ARHGEF10: variants seen among roughly 807,000 people sequenced by gnomAD.
ARHGEF10 encodes Rho guanine nucleotide exchange factor 10.
In ARHGEF10, 140 loss-of-function variants were observed where a neutral mutation model predicts 147.4. The ratio of observed to expected loss-of-function variants is 0.95; its 90% CI spans 0.83 to 1.09. The LOEUF (loss-of-function observed/expected upper bound fraction) is 1.09. Ranked by LOEUF, ARHGEF10 falls within the 50% of genes least tolerant of loss-of-function variation. The probability of loss-of-function intolerance (pLI) is 0.00; values close to 1 mark genes in which losing one functional copy is unlikely to be tolerated. For missense variants in ARHGEF10, 2,222 were observed against 1,752.7 expected, an observed-to-expected ratio of 1.27 and a Z score of -4.78; for synonymous variants, 902 against 695.8, an observed-to-expected ratio of 1.30 and a Z score of -4.67.
Position 1,927,982 on chromosome 8 carries a change from T to A in ARHGEF10, c.2698-445T>A, listed in dbSNP as rs138249585. Among the ~76,000 whole-genome samples, 42 of 152,310 alleles carry A rather than the reference T, an allele frequency of 2.8e-4. No individual in the cohort carries two copies. The East Asian group carries it at 7.9e-3, about 29-fold the overall frequency. On this transcript the variant is annotated intron_variant, in intron 23 of 28. Transcript: ENST00000349830. ...AGAAATTCCACAGCATACCACATGT[T>A]GACTTCCAATGAGCTACTTGGGATG...
chr8:1,837,667 C>T (rs1030655347), intron 1 of ARHGEF10, among the ~76,000 whole-genome samples: 2 of 152,076 alleles, frequency 1.3e-5, no homozygotes, highest in Non-Finnish European at 2.9e-5. Context: ...TTGTCTAGGG[C>T]GGGAAGGGGG....
chr8:1,898,600 C>G, intron 15 of ARHGEF10, 75 bp downstream of exon 15: 1 of 1,450,830 alleles, frequency 6.9e-7, no homozygotes, highest in Non-Finnish European at 9.6e-7. Flanking sequence ...GGCGTCTGTT[C>G]CTCCACTTTG....
intron 17 of ARHGEF10, among the ~76,000 whole-genome samples, chr8:1,908,831 T>A (rs901153957): frequency 6.6e-6 from 1 of 152,212 alleles, no homozygotes; most frequent in Non-Finnish European, 1.5e-5. Context: ...TGATAAATAT[T>A]TTAGTCATGG....
Position 1,880,106 on chromosome 8 carries a change from T to C in ARHGEF10, c.902T>C (p.Met301Thr). ...EHYEKKMRDL[M>T]ASTVGVVEIQ... is the part of the protein sequence containing the mutation. The stretch of plus-strand genomic sequence containing the variant: ...TATGAGAAAAAGATGAGAGATTTGA[T>C]GGCAAGCACGGTGGGCGTGGTGGAG... The change falls in exon 9 of 29, where the codon ATG becomes ACG. Residue 301 changes from methionine to threonine, a missense_variant. Met to Thr is a moderately conservative substitution (Grantham distance 81). Transcript: ENST00000349830. 1.2e-6 allele frequency: 2 copies of C among 1,614,186 alleles called. No individual in the cohort carries two copies. Among genetic ancestry groups the C allele is most frequent in the African/African-American group, 1.3e-5 (1 of 75,062 alleles).
intron 2 of ARHGEF10, among the ~76,000 whole-genome samples, chr8:1,850,201 C>CGTGGACACAGACAGCAA (rs1804992002): frequency 8.9e-6 from 1 of 112,094 alleles, no homozygotes; most frequent in Admixed American, 8.5e-5. Flanking sequence ...GGGGCGGCCA[C>CGTGGACACAGACAGCAA]ATGGGCATGG....
At chr8:1,878,193 GGT>G (rs1491412176) in intron 8 of ARHGEF10, among the ~76,000 whole-genome samples, 1 of 112,252 alleles carries the variant, frequency 8.9e-6, no homozygotes, top group Non-Finnish European at 1.8e-5. Context: ...TAGTTTTTCG[GGT>G]TTTTTTTTTC....
At chr8:1,950,474 G>A (rs1814941546) in intron 27 of ARHGEF10, among the ~76,000 whole-genome samples, 1 of 152,156 alleles carries the variant, frequency 6.6e-6, no homozygotes, top group African/African-American at 2.4e-5. Flanking sequence ...TTTGAAACCA[G>A]TTAAAAACAT....
chr8:1,833,636 G>C (rs913744334), intron 1 of ARHGEF10, among the ~76,000 whole-genome samples: 2 of 152,192 alleles, frequency 1.3e-5, no homozygotes, highest in Non-Finnish European at 2.9e-5. Flanking sequence ...CCCAGCCCTG[G>C]GTCAGCCCCC....
Position 1,884,358 on chromosome 8 carries a change from T to C in ARHGEF10, c.1076-1243T>C, listed in dbSNP as rs940660092. 6.7e-5 allele frequency among the ~76,000 whole-genome samples: 10 copies of C among 149,762 alleles called. No homozygotes were observed. The East Asian group carries it at 1.8e-3, about 27-fold the overall frequency. ...TTGCAGTGAGCCGAGATTGCGCCAC[T>C]GCACTCCAGCCTGGGCGACAGAGCA... On this transcript the variant is annotated intron_variant, in intron 10 of 28. Transcript: ENST00000349830.
intron 10 of ARHGEF10, among the ~76,000 whole-genome samples, chr8:1,883,559 C>T (rs1808397659): frequency 1.3e-5 from 2 of 152,192 alleles, no homozygotes; most frequent in Non-Finnish European, 2.9e-5. Flanking sequence ...ATTGGTATGA[C>T]ATGGTGTAAC....
At chr8:1,936,132 C>T (rs780479170) in intron 26 of ARHGEF10, among the ~76,000 whole-genome samples, 1 of 152,140 alleles carries the variant, frequency 6.6e-6, no homozygotes, top group African/African-American at 2.4e-5. Flanking sequence ...ACTGTCTGTT[C>T]TTGGCCATCT....
In ARHGEF10 at chr8:1,948,488, G is replaced by T. The variant is rs1357517575; in HGVS notation, c.3397+2833G>T. ...CTGCTTTACCCACATTCAGTTCTCT[G>T]CTCCCAGGCTGTGGTCTGCTGCCAC... On this transcript the variant is annotated intron_variant, in intron 27 of 28. Transcript: ENST00000349830. The surrounding 1 kb of genome is among the most constrained non-coding windows in gnomAD (Gnocchi z 4.9). Among the ~76,000 whole-genome samples the T allele has an allele frequency of 1.3e-5, 2 of 152,190 alleles. No individual in the cohort carries two copies. The highest frequency in any genetic ancestry group is 2.9e-5 in the Non-Finnish European group (2 of 68,034).
chr8:1,839,454 GCTGTCTGGTGTGGGGA>G (rs1803816500), intron 1 of ARHGEF10, among the ~76,000 whole-genome samples: 2 of 131,970 alleles, frequency 1.5e-5, no homozygotes, highest in Admixed American at 7.5e-5. Context: ...TGGTGTGGAA[GCTGTCTGGTGTGGGGA>G]CTGTCTGGTG....
rs371942611 is a variant in ARHGEF10, at chr8:1,832,792, A to G, written c.-48+8679A>G. 9.8e-3 allele frequency among the ~76,000 whole-genome samples: 520 copies of G among 53,316 alleles called. 22 individuals carry two copies. Among genetic ancestry groups the G allele is most frequent in the Non-Finnish European group, 0.013 (324 of 24,898 alleles). The allele number at this position is 53,316 out of a possible 152,430, so 35.0% of individuals were successfully genotyped here. On this transcript the variant is annotated intron_variant, in intron 1 of 28. Coordinates refer to ENST00000349830, the MANE Select transcript of ARHGEF10 (RefSeq NM_014629.4). ...GAGACAGAGGCAGAGACAGAGAGAG[A>G]CAGAGGCAGAGGCAGAGACAGAGGC... is the stretch of plus-strand genomic sequence containing the variant.
intron 7 of ARHGEF10, chr8:1,870,004 G>T (rs989711743): frequency 1.3e-5 from 2 of 153,888 alleles, no homozygotes; most frequent in Non-Finnish European, 2.9e-5. Flanking sequence ...AGAGCACACT[G>T]AACCACGGAG....
chr8:1,923,689 C>T, intron 20 of ARHGEF10, 85 bp from the exon 21 acceptor site: 2 of 1,613,344 alleles, frequency 1.2e-6, no homozygotes, highest in Non-Finnish European at 1.7e-6. Context: ...TTTGCTGATT[C>T]TATCAGACAG....
intron 2 of ARHGEF10, among the ~76,000 whole-genome samples, chr8:1,850,669 C>T (rs909642708): frequency 3.9e-5 from 6 of 152,128 alleles, no homozygotes; most frequent in East Asian, 1.9e-4. Flanking sequence ...ACACTCTTAC[C>T]GTGTGACTTG....
intron 7 of ARHGEF10, chr8:1,870,193 T>G (rs1380540284): frequency 6.6e-6 from 1 of 151,216 alleles, no homozygotes; most frequent in Non-Finnish European, 1.5e-5. Context: ...GTTCTGAAGT[T>G]CTGAAGTCGG....
intron 18 of ARHGEF10, among the ~76,000 whole-genome samples, chr8:1,911,975 G>A (rs541148469): frequency 6.6e-6 from 1 of 152,292 alleles, no homozygotes; most frequent in African/African-American, 2.4e-5. Context: ...CTCATTCTCA[G>A]TCGATAGTCA....
Sources: gnomAD v4.1 joint callset for allele counts (sites outside exome capture counted in the v4.1 genomes callset) on GRCh38, gnomAD v4.1.1 for gene constraint, Gnocchi (gnomAD v3.1) non-coding constraint, MANE v1.5 for transcripts, NCBI Gene and HGNC (gene_info 2026-07-23, HGNC 2026-07-21) for gene names.